The following USP25 variants were observed in gnomAD, a reference collection of about 807,000 sequenced individuals.
USP25 encodes ubiquitin specific peptidase 25, also known as ubiquitin carboxyl-terminal hydrolase 25.
USP25 carries 85 observed loss-of-function variants against 158.5 expected under a neutral mutation model. That is an observed-to-expected ratio of 0.54 (90% confidence interval 0.45 to 0.64). USP25 has a LOEUF of 0.64. USP25 is among the 30% of genes least tolerant of loss of function. The pLI is 0.00. For synonymous variants in USP25, 464 were observed against 460.4 expected, an observed-to-expected ratio of 1.01 and a Z score of -0.10; for missense variants, 1,242 against 1,327.3, an observed-to-expected ratio of 0.94 and a Z score of 1.00.
At chr21:15,849,150 CCT>C (rs896711499) in intron 19 of USP25, among the ~76,000 whole-genome samples, 3 of 151,972 alleles carry the variant, frequency 2.0e-5, no homozygotes, top group African/African-American at 2.4e-5. Context: ...TAGGATGTGC[CCT>C]CTCTCATTTA....
At chr21:15,765,280 T>G (rs903506464) in intron 2 of USP25, among the ~76,000 whole-genome samples, 1 of 152,152 alleles carries the variant, frequency 6.6e-6, no homozygotes, top group Non-Finnish European at 1.5e-5. Flanking sequence ...AATATAAAGA[T>G]GTAACTGGGC....
chr21:15,866,340 A>G lies in USP25; in HGVS notation c.2801A>G (p.Tyr934Cys), dbSNP rs2039658755. The change falls in exon 22 of 26, where the codon TAT becomes TGT. Residue 934 changes from tyrosine (Y) to cysteine (C), a missense_variant. By Grantham distance (194) the Tyr-to-Cys change is radical (BLOSUM62 -2). Around this residue, in one of 3 missense-constraint regions of USP25, gnomAD observed 608 missense variants for 605.2 expected, o/e 1.00. Transcript: ENST00000400183. The stretch of plus-strand genomic sequence containing the variant: ...CCTGAAGAAGTAAACTTGGAGGAAT[A>G]TGAGGTAATGTGCTTTCTTAGAGGT... Reference protein sequence around the residue: ...IKPEEVNLEEYEEWHQDYRKF... With the variant: ...IKPEEVNLEECEEWHQDYRKF... The G allele has an allele frequency of 6.2e-7, 1 of 1,602,124 alleles. No individual in the cohort carries two copies. Among genetic ancestry groups the G allele is most frequent in the African/African-American group, 1.3e-5 (1 of 74,310 alleles).
chr21:15,772,393 T>G (rs1481365367), intron 3 of USP25, among the ~76,000 whole-genome samples: 1 of 152,188 alleles, frequency 6.6e-6, no homozygotes, highest in Non-Finnish European at 1.5e-5. Flanking sequence ...GTAACATGAT[T>G]TTATACAGTG....
intron 1 of USP25, among the ~76,000 whole-genome samples, chr21:15,758,097 C>T (rs2033499685): frequency 6.6e-6 from 1 of 152,174 alleles, no homozygotes; most frequent in Non-Finnish European, 1.5e-5. Flanking sequence ...AAATGCCGAT[C>T]CCTAGACCTT....
At chr21:15,772,943 C>A (rs1260667098) in intron 3 of USP25, among the ~76,000 whole-genome samples, 1 of 151,840 alleles carries the variant, frequency 6.6e-6, no homozygotes, top group Non-Finnish European at 1.5e-5. Context: ...TCTAAAATAC[C>A]CTGTGAAAAG....
Position 15,805,156 on chromosome 21 carries a change from G to GT in USP25, c.679dup (p.Tyr227LeufsTer15), listed in dbSNP as rs766382233. On this transcript the variant is annotated frameshift_variant, in exon 7 of 26. Coordinates refer to ENST00000400183, the MANE Select transcript of USP25 (RefSeq NM_001283041.3). LOFTEE classifies it high-confidence loss of function. Reference sequence around the variant, plus strand: ...ATTTGCCTTTTATGCGTGAGCTGAGGTATCTATTTGCACTTCTTGTTGGTA... The same window carrying GT: ...ATTTGCCTTTTATGCGTGAGCTGAGGTTATCTATTTGCACTTCTTGTTGGTA... The GT allele has an allele frequency of 6.2e-7, 1 of 1,603,816 alleles. No individual in the cohort carries two copies. The highest frequency in any genetic ancestry group is 8.5e-7 in the Non-Finnish European group (1 of 1,175,900).
At chr21:15,741,384 A>T (rs1265770112) in intron 1 of USP25, among the ~76,000 whole-genome samples, 2 of 151,860 alleles carry the variant, frequency 1.3e-5, no homozygotes, top group Non-Finnish European at 2.9e-5. Flanking sequence ...TCTTGGGCAA[A>T]TACATAGGTG....
intron 20 of USP25, among the ~76,000 whole-genome samples, chr21:15,859,159 T>C (rs1014203385): frequency 1.3e-5 from 2 of 148,836 alleles, no homozygotes; most frequent in African/African-American, 2.4e-5. Context: ...TATATAGCCT[T>C]TTATAACCAT....
intron 4 of USP25, among the ~76,000 whole-genome samples, chr21:15,782,562 C>T (rs2035026889): frequency 6.6e-6 from 1 of 152,148 alleles, no homozygotes; most frequent in Non-Finnish European, 1.5e-5. Context: ...AGCTTGGTGC[C>T]AACTCCAGAA....
At chr21:15,872,014 G>GTTTTTTTT (rs1158862222) in intron 23 of USP25, among the ~76,000 whole-genome samples, 1 of 71,640 alleles carries the variant, frequency 1.4e-5, no homozygotes, top group African/African-American at 5.2e-5. Flanking sequence ...AAGAAATACT[G>GTTTTTTTT]TTTTTTTTTT....
chr21:15,878,154 G>A (rs985841946), intron 25 of USP25, 149 bp from the exon 26 acceptor site: 13 of 1,099,340 alleles, frequency 1.2e-5, no homozygotes, highest in East Asian at 2.6e-5. Flanking sequence ...GAACTAAGCT[G>A]TGTGCATTGC....
intron 4 of USP25, among the ~76,000 whole-genome samples, chr21:15,785,101 G>T (rs987342796): frequency 1.3e-5 from 2 of 151,840 alleles, no homozygotes; most frequent in Admixed American, 6.6e-5. Context: ...ATGAGCAGAA[G>T]CAGCCATACT....
At chr21:15,838,054 G>A (rs1221424717) in intron 17 of USP25, among the ~76,000 whole-genome samples, 1 of 151,840 alleles carries the variant, frequency 6.6e-6, no homozygotes, top group Non-Finnish European at 1.5e-5. Context: ...AGCCTCCTGA[G>A]TAGCTGAGAC....
At chr21:15,815,724 GA>G (rs971042401) in intron 9 of USP25, among the ~76,000 whole-genome samples, 2 of 151,972 alleles carry the variant, frequency 1.3e-5, no homozygotes, top group Non-Finnish European at 2.9e-5. Context: ...CTCTTCTCAG[GA>G]AAAAAATCAG....
chr21:15,878,266 T>C, intron 25 of USP25, 37 bp from the exon 26 acceptor site: 2 of 1,588,170 alleles, frequency 1.3e-6, no homozygotes, highest in African/African-American at 2.7e-5. Flanking sequence ...TGTAATAATT[T>C]CTATCTTTAG....
At position 15,809,120 on chromosome 21, in the gene USP25, A is replaced by G. The variant is rs370235523; in HGVS notation, c.857+235A>G. The stretch of plus-strand genomic sequence containing the variant: ...TGCCCAGTTCCTTTTCTTAGATTCA[A>G]TAATCACTTTTCATGACGAGGAATG... On this transcript the variant is annotated intron_variant, in intron 8 of 25. Coordinates refer to ENST00000400183, the MANE Select transcript of USP25 (RefSeq NM_001283041.3). Among the ~76,000 whole-genome samples, 39 of 152,316 alleles carry G rather than the reference A, an allele frequency of 2.6e-4. No homozygotes were observed. In the South Asian group the frequency reaches 2.9e-3, roughly 11 times the overall value.
At chr21:15,751,859 TTTA>T (rs2033038447) in intron 1 of USP25, among the ~76,000 whole-genome samples, 1 of 152,250 alleles carries the variant, frequency 6.6e-6, no homozygotes, top group African/African-American at 2.4e-5. Flanking sequence ...GAGAAATACA[TTTA>T]GAGTTTCTAC....
At chr21:15,745,437 T>A (rs190333622) in intron 1 of USP25, among the ~76,000 whole-genome samples, 71 of 151,926 alleles carry the variant, frequency 4.7e-4, no homozygotes, top group Middle Eastern at 6.8e-3. Flanking sequence ...ACTTTTATGG[T>A]TAGTACTTTA....
intron 10 of USP25, among the ~76,000 whole-genome samples, chr21:15,823,465 GTAAATTACTCTAAGTATTAACT>G (rs1445666362): frequency 2.0e-5 from 3 of 152,158 alleles, no homozygotes; most frequent in African/African-American, 7.2e-5. Context: ...AAGATTTTAA[GTAAATTACTCTAAGTATTAACT>G]TTTTGTTAGT....
Sources: allele counts gnomAD v4.1 joint callset (sites outside exome capture counted in the v4.1 genomes callset), GRCh38; gene constraint gnomAD v4.1.1; regional missense constraint gnomAD v4.1.1; transcripts MANE v1.5; gene names NCBI Gene and HGNC (gene_info 2026-07-23, HGNC 2026-07-21).